The following MAML2 variants were observed in gnomAD, a reference collection of about 807,000 sequenced individuals.
MAML2 encodes the protein mastermind-like protein 2.
MAML2 carries 22 observed loss-of-function variants against 96.1 expected under a neutral mutation model. The observed-to-expected ratio is 0.23, with a 90% CI of 0.16 to 0.33. MAML2 has a LOEUF of 0.33. MAML2 is among the 10% of genes least tolerant of loss of function. MAML2 has a pLI of 1.00. For missense variants in MAML2, 1,367 were observed against 1,392.4 expected (o/e 0.98, Z 0.29); for synonymous variants, 561 against 521.3 (o/e 1.08, Z -1.04).
intron 1 of MAML2, among the ~76,000 whole-genome samples, chr11:96,205,854 G>T (rs1861888420): frequency 1.3e-5 from 2 of 152,116 alleles, no homozygotes; most frequent in Admixed American, 1.3e-4. Context: ...TTCCCGTCTG[G>T]CTTACAGCTA....
At chr11:96,085,162 A>G (rs1367239077) in intron 2 of MAML2, among the ~76,000 whole-genome samples, 1 of 106,010 alleles carries the variant, frequency 9.4e-6, no homozygotes, top group Non-Finnish European at 2.0e-5. Context: ...TGCCTAGGCT[A>G]TGCGTATGTG....
rs139129133 is a variant in MAML2 at position 96,017,966 on chromosome 11, T to A, written c.2140-26243A>T. The stretch of plus-strand genomic sequence containing the variant: ...AATGACATGATATATGTTTTAAAGA[T>A]CACTCTGTCAGCTATGTGGTGAATA... On this transcript the variant is annotated intron_variant, in intron 2 of 4. Coordinates refer to ENST00000524717, the MANE Select transcript of MAML2 (RefSeq NM_032427.4). 5.3e-5 allele frequency among the ~76,000 whole-genome samples: 8 copies of A among 152,280 alleles called. No individual in the cohort carries two copies. The East Asian group carries it at 1.5e-3, about 29-fold the overall frequency.
intron 1 of MAML2, among the ~76,000 whole-genome samples, chr11:96,244,730 A>G (rs1044757584): frequency 2.0e-5 from 3 of 152,156 alleles, no homozygotes; most frequent in African/African-American, 7.2e-5. Flanking sequence ...GTGAGTTAAC[A>G]AAGCTGTGAC....
In MAML2 at chr11:95,991,712, A is replaced by G. The variant is rs780494842; in HGVS notation, c.2151T>C (p.Ser717=). 1.2e-6 allele frequency: 2 copies of G among 1,613,638 alleles called. No individual in the cohort carries two copies. The highest frequency in any genetic ancestry group is 3.3e-5 in the Admixed American group (2 of 59,994). The change falls in exon 3 of 5, where the codon TCT becomes TCC. Residue 717 remains serine, a synonymous_variant. Transcript: ENST00000524717. The part of the protein sequence containing the change: ...VSQQQRQDQH[S]VVGQNTGPSP... ...TGGGGCCTGTGTTCTGGCCTACCAC[A>G]GAGTGTTGATCCTAAAGAAGAGAAA...
Position 96,123,139 on chromosome 11 carries a change from C to G in MAML2, c.514-29622G>C, listed in dbSNP as rs527729179. Reference sequence around the variant, plus strand: ...GTTTCTCTCACACTGTCTTACTGCCCCCACTGCTGGAAGCATTCTTCTTTC... The same window carrying G: ...GTTTCTCTCACACTGTCTTACTGCCGCCACTGCTGGAAGCATTCTTCTTTC... On this transcript the variant is annotated intron_variant, in intron 1 of 4. Transcript: ENST00000524717. Among the ~76,000 whole-genome samples the G allele has an allele frequency of 3.3e-5, 5 of 152,290 alleles. No homozygotes were observed. In the East Asian group the frequency reaches 9.6e-4, roughly 29 times the overall value.
chr11:96,077,069 G>T (rs995626554), intron 2 of MAML2, among the ~76,000 whole-genome samples: 1 of 152,048 alleles, frequency 6.6e-6, no homozygotes, highest in Admixed American at 6.5e-5. Context: ...TCTGCAAACA[G>T]AAATGGGCAA....
In MAML2 at chr11:96,280,795, G is replaced by C. The variant is rs572896862; in HGVS notation, c.513+60588C>G. ...TCCTTTCCCTCTGGTGTTGTTATTT[G>C]GTTAAATTGATTTACATAATGTTAT... On this transcript the variant is annotated intron_variant, in intron 1 of 4. Coordinates refer to ENST00000524717, the MANE Select transcript of MAML2 (RefSeq NM_032427.4). 2.9e-4 allele frequency among the ~76,000 whole-genome samples: 44 copies of C among 152,180 alleles called. 2 individuals carry two copies. In the South Asian group the frequency reaches 8.9e-3, roughly 31 times the overall value.
chr11:96,139,512 T>A (rs1242544770), intron 1 of MAML2, among the ~76,000 whole-genome samples: 2 of 147,174 alleles, frequency 1.4e-5, no homozygotes, highest in Non-Finnish European at 3.0e-5. Context: ...CCAACAATTA[T>A]CATATCAAAT....
intron 1 of MAML2, among the ~76,000 whole-genome samples, chr11:96,194,909 T>C (rs1032977919): frequency 2.0e-5 from 3 of 152,242 alleles, no homozygotes; most frequent in Non-Finnish European, 4.4e-5. Context: ...ATATTTAGAA[T>C]GAAAGGCTTA....
rs1293011425 is a variant in MAML2, at chr11:96,092,947, T to C, written c.1084A>G (p.Ile362Val). ...GGTGAGTATTCACTTTTGATCACTA[T>C]TTTCTCCATGGGTAAGGAGGGCCTA... ...TPRPSLPMEK[I>V]VIKSEYSPGL... The change falls in exon 2 of 5, where the codon ATA (isoleucine) becomes GTA (valine). Residue 362 changes from isoleucine (I) to valine (V), a missense_variant. Coordinates refer to ENST00000524717, the MANE Select transcript of MAML2 (RefSeq NM_032427.4). This position sits in a 1 kb window ranked among gnomAD's most constrained non-coding sequence, Gnocchi z 4.1. The C allele has an allele frequency of 6.2e-7, 1 of 1,612,522 alleles. No individual in the cohort carries two copies. The highest frequency in any genetic ancestry group is 1.7e-5 in the Admixed American group (1 of 59,938).
At chr11:96,235,822 G>A (rs779965654) in intron 1 of MAML2, among the ~76,000 whole-genome samples, 2 of 152,144 alleles carry the variant, frequency 1.3e-5, no homozygotes, top group Admixed American at 6.5e-5. Context: ...ATTCAGTACC[G>A]AGTAAAACCC....
At chr11:96,113,753 C>G (rs1445645524) in intron 1 of MAML2, among the ~76,000 whole-genome samples, 1 of 152,070 alleles carries the variant, frequency 6.6e-6, no homozygotes, top group Non-Finnish European at 1.5e-5. Context: ...TACTCTCTCC[C>G]CCATCTCTTA....
chr11:96,016,591 A>G (rs886582318), intron 2 of MAML2, among the ~76,000 whole-genome samples: 4 of 152,196 alleles, frequency 2.6e-5, no homozygotes, highest in Non-Finnish European at 4.4e-5. Context: ...TCTAGGAGGA[A>G]CACTTTTTGT....
At chr11:96,132,490 C>A (rs996078248) in intron 1 of MAML2, among the ~76,000 whole-genome samples, 1 of 152,162 alleles carries the variant, frequency 6.6e-6, no homozygotes, top group African/African-American at 2.4e-5. Flanking sequence ...CTTTGATTTA[C>A]ATACTCTGAA....
At chr11:96,211,082 G>T (rs951275541) in intron 1 of MAML2, among the ~76,000 whole-genome samples, 1 of 152,266 alleles carries the variant, frequency 6.6e-6, no homozygotes, top group East Asian at 1.9e-4. Flanking sequence ...ATTACCTTAT[G>T]TATAATGGTT....
chr11:96,188,248 A>G (rs1861601383), intron 1 of MAML2, among the ~76,000 whole-genome samples: 1 of 152,224 alleles, frequency 6.6e-6, no homozygotes, highest in Admixed American at 6.5e-5. Context: ...GGAAGCTTAT[A>G]ACACAGACAT....
intron 1 of MAML2, among the ~76,000 whole-genome samples, chr11:96,176,663 C>T (rs1479466939): frequency 6.6e-6 from 1 of 152,036 alleles, no homozygotes; most frequent in Non-Finnish European, 1.5e-5. Flanking sequence ...TGTAACTGAA[C>T]CATGTCTGAT....
At chr11:96,008,204 CT>C (rs5793769) in intron 2 of MAML2, among the ~76,000 whole-genome samples, 52,644 of 150,398 alleles carry the variant, frequency 0.35, 9,347 homozygotes, top group South Asian at 0.5. Context: ...AACTTTTAAC[CT>C]TTTTTTTCCT....
chr11:96,161,807 C>G (rs1001267439), intron 1 of MAML2, among the ~76,000 whole-genome samples: 3 of 152,164 alleles, frequency 2.0e-5, no homozygotes, highest in African/African-American at 7.2e-5. Context: ...CAGTTTGCCT[C>G]CTGTCTCCCA....
Sources: gnomAD v4.1 joint callset for allele counts (sites outside exome capture counted in the v4.1 genomes callset) on GRCh38, gnomAD v4.1.1 for gene constraint, Gnocchi (gnomAD v3.1) non-coding constraint, MANE v1.5 for transcripts, NCBI Gene and HGNC (gene_info 2026-07-23, HGNC 2026-07-21) for gene names.